The following GMPPA variants were observed in gnomAD, a reference collection of about 807,000 sequenced individuals.
GMPPA encodes mannose-1-phosphate guanylyltransferase regulatory subunit alpha.
Under a neutral mutation model 58.6 loss-of-function variants are expected in GMPPA, and 46 were observed. The observed-to-expected ratio is 0.78, with a 90% CI of 0.62 to 1.00. GMPPA has a LOEUF of 1.00. Ranked by LOEUF, GMPPA falls within the 50% of genes least tolerant of loss-of-function variation. The probability of loss-of-function intolerance (pLI) is 0.00; values close to 1 mark genes in which losing one functional copy is unlikely to be tolerated. For synonymous variants in GMPPA, 211 were observed against 214.9 expected (o/e 0.98, Z 0.16); for missense variants, 468 against 556.4 (o/e 0.84, Z 1.60).
At chr2:219,501,385 T>G (rs1174143427) in intron 3 of GMPPA, 91 bp from the exon 4 acceptor site, 3 of 820,514 alleles carry the variant, frequency 3.7e-6, no homozygotes, top group Non-Finnish European at 6.3e-6. Context: ...AGACTGAAAC[T>G]GGTTTCTGGA....
intron 10 of GMPPA, 35 bp downstream of exon 10, chr2:219,505,796 T>C: frequency 6.5e-7 from 1 of 1,545,286 alleles, no homozygotes; most frequent in Non-Finnish European, 8.8e-7. Context: ...GAGGGAAGGG[T>C]GGTGGTCGGA....
Position 219,501,585 on chromosome 2 carries a change from T to C in GMPPA, c.242+6T>C, listed in dbSNP as rs747253331. The C allele has an allele frequency of 3.9e-6, 6 of 1,555,728 alleles. No individual in the cohort carries two copies. In the African/African-American group the frequency reaches 8.1e-5, roughly 21 times the overall value. On this transcript the variant is annotated splice_donor_region_variant and intron_variant, in intron 4 of 12. Coordinates refer to ENST00000313597, the MANE Select transcript of GMPPA (RefSeq NM_013335.4). Reference sequence around the variant, plus strand: ...GAGTTTAACCTTCCAGTCAGGTGTTTGTGCACACACTCGTATATGGGGGGG... The same window carrying C: ...GAGTTTAACCTTCCAGTCAGGTGTTCGTGCACACACTCGTATATGGGGGGG...
chr2:219,502,338 C>T lies in GMPPA; in HGVS notation c.430-44C>T. The T allele has an allele frequency of 6.4e-7, 1 of 1,568,078 alleles. No individual in the cohort carries two copies. The highest frequency in any genetic ancestry group is 8.8e-7 in the Non-Finnish European group (1 of 1,138,202). Reference sequence around the variant, plus strand: ...AGAAAGAAAAAACAGACGTGGCTGCCCTGGAGCAGGCGGGTCACTGTCTCG... The same window carrying T: ...AGAAAGAAAAAACAGACGTGGCTGCTCTGGAGCAGGCGGGTCACTGTCTCG... On this transcript the variant is annotated intron_variant, in intron 5 of 12. Transcript: ENST00000313597. This position sits in a 1 kb window ranked among gnomAD's most constrained non-coding sequence, Gnocchi z 4.0.
At chr2:219,504,846 C>G in intron 7 of GMPPA, 2 of 1,080,434 alleles carry the variant, frequency 1.9e-6, no homozygotes, top group Non-Finnish European at 2.3e-6. Flanking sequence ...TGTCTCTGCC[C>G]TCACCAGCTG....
intron 7 of GMPPA, 147 bp from the exon 8 acceptor site, chr2:219,505,081 C>T (rs2125639008): frequency 2.1e-6 from 2 of 966,368 alleles, no homozygotes; most frequent in South Asian, 1.7e-5. Flanking sequence ...TGAGCAGCCA[C>T]ATCCCAGAGA....
chr2:219,506,048 C>G lies in GMPPA; in HGVS notation c.969C>G (p.Ile323Met). 1.3e-6 allele frequency: 2 copies of G among 1,591,648 alleles called. No homozygotes were observed. Among genetic ancestry groups the G allele is most frequent in the Non-Finnish European group, 1.7e-6 (2 of 1,165,548 alleles). ...VGEGVRLRES[I>M]VLHGATLQEH... is the part of the protein sequence containing the mutation. ...AGGGTGTGCGGCTCCGGGAGAGCAT[C>G]GTCCTCCATGGAGCCACTTTGCAGG... The change falls in exon 11 of 13, where the codon ATC (isoleucine) becomes ATG (methionine). Residue 323 changes from isoleucine to methionine, a missense_variant. Transcript: ENST00000313597.
At position 219,506,392 on chromosome 2, in the gene GMPPA, G is replaced by C; in HGVS notation, c.1132G>C (p.Gly378Arg). Residue 378 changes from glycine (G) to arginine (R), a missense_variant, in exon 12 of 13, where the codon GGG becomes CGG. Transcript: ENST00000313597. ...RMDSESLFKDGKLLPAITILG... is the reference protein window; with the variant it reads ...RMDSESLFKDRKLLPAITILG... ...GGACAGTGAGAGCCTCTTCAAGGAC[G>C]GGAAGCTGCTGCCTGCTATCACCAT... is the stretch of plus-strand genomic sequence containing the variant. The C allele has an allele frequency of 6.2e-7, 1 of 1,613,262 alleles. No individual in the cohort carries two copies. The highest frequency in any genetic ancestry group is 8.5e-7 in the Non-Finnish European group (1 of 1,179,856).
In GMPPA at chr2:219,505,746, G is replaced by C; in HGVS notation, c.885G>C (p.Val295=). The C allele has an allele frequency of 6.2e-7, 1 of 1,608,698 alleles. No homozygotes were observed. Among genetic ancestry groups the C allele is most frequent in the Non-Finnish European group, 8.5e-7 (1 of 1,178,646 alleles). Residue 295 remains valine, a synonymous_variant, in exon 10 of 13, where the codon GTG becomes GTC. Transcript: ENST00000313597. ...GNVYIHPTAK[V]APSAVLGPNV... ...TGTACATCCACCCGACCGCCAAGGTGGCCCCCTCGGCTGTGGTGAGCACTG... is the reference window on the plus strand; with the variant it reads ...TGTACATCCACCCGACCGCCAAGGTCGCCCCCTCGGCTGTGGTGAGCACTG...
intron 1 of GMPPA, 170 bp downstream of exon 1, chr2:219,499,108 G>C (rs1358979121): frequency 1.3e-5 from 2 of 152,226 alleles, no homozygotes; most frequent in African/African-American, 4.8e-5. Context: ...GTCAGTTGTG[G>C]GGTTCAGAGG....
chr2:219,501,402 G>A, intron 3 of GMPPA, 74 bp from the exon 4 acceptor site: 1 of 967,424 alleles, frequency 1.0e-6, no homozygotes, highest in Non-Finnish European at 1.7e-6. Context: ...TGGACTTTGG[G>A]CCAGCACCAA....
Position 219,501,597 on chromosome 2 carries a change from C to T in GMPPA, c.242+18C>T, listed in dbSNP as rs370424856. ...CCAGTCAGGTGTTTGTGCACACACT[C>T]GTATATGGGGGGGTGGGGATGCCCT... is the stretch of plus-strand genomic sequence containing the variant. On this transcript the variant is annotated intron_variant, in intron 4 of 12. Transcript: ENST00000313597. 2.2e-5 allele frequency: 32 copies of T among 1,461,234 alleles called. No homozygotes were observed. The highest frequency in any genetic ancestry group is 1.7e-4 in the Middle Eastern group (1 of 5,822). The allele number at this position is 1,461,234 out of a possible 1,614,324, so 90.5% of individuals were successfully genotyped here. A position where few individuals can be genotyped will look rare whatever the true frequency, so the allele number is the denominator to read the frequency against.
At chr2:219,501,737 TG>T in intron 4 of GMPPA, 113 bp from the exon 5 acceptor site, 1 of 956,080 alleles carries the variant, frequency 1.0e-6, no homozygotes, top group Non-Finnish European at 1.6e-6. Flanking sequence ...AGAGTTTCTC[TG>T]TGGGCCTTGG....
Position 219,502,553 on chromosome 2 carries a change from C to A in GMPPA, c.489+112C>A. 1.3e-6 allele frequency: 1 copy of A among 770,618 alleles called. No individual in the cohort carries two copies. Among genetic ancestry groups the A allele is most frequent in the Non-Finnish European group, 2.3e-6 (1 of 440,038 alleles). The allele number at this position is 770,618 out of a possible 1,614,324, so 47.7% of individuals were successfully genotyped here. A position where few individuals can be genotyped will look rare whatever the true frequency, so the allele number is the denominator to read the frequency against. On this transcript the variant is annotated intron_variant, in intron 6 of 12. Coordinates refer to ENST00000313597, the MANE Select transcript of GMPPA (RefSeq NM_013335.4). The surrounding 1 kb of genome is among the most constrained non-coding windows in gnomAD (Gnocchi z 4.0). ...TGGGGTGGGCTCTAGTCTTGTCAGA[C>A]AGGTGAGACACTCCCGATTAATCAT...
chr2:219,505,828 G>C, intron 10 of GMPPA, 67 bp downstream of exon 10: 1 of 1,333,668 alleles, frequency 7.5e-7, no homozygotes. Context: ...TGCCCACGCT[G>C]CCTGAGTTCT....
chr2:219,506,070 C>A lies in GMPPA; in HGVS notation c.991C>A (p.Gln331Lys). 1 of 1,576,220 alleles carries A rather than the reference C, an allele frequency of 6.3e-7. No individual in the cohort carries two copies. Among genetic ancestry groups the A allele is most frequent in the Admixed American group, 1.8e-5 (1 of 56,930 alleles). Residue 331 changes from glutamine (Q) to lysine (K), a missense_variant and splice_region_variant, in exon 11 of 13, where the codon CAG (glutamine) becomes AAG (lysine). By Grantham distance (53) the Gln-to-Lys change is moderately conservative. Coordinates refer to ENST00000313597, the MANE Select transcript of GMPPA (RefSeq NM_013335.4). ...CATCGTCCTCCATGGAGCCACTTTGCAGGTAGGTACCAGCATACACAGCAG... is the reference window on the plus strand; with the variant it reads ...CATCGTCCTCCATGGAGCCACTTTGAAGGTAGGTACCAGCATACACAGCAG... Reference protein sequence around the residue: ...ESIVLHGATLQEHTCVLHSIV... With the variant: ...ESIVLHGATLKEHTCVLHSIV...
rs1694441896 is a variant in GMPPA at position 219,502,631 on chromosome 2, T to G, written c.489+190T>G. Among the ~76,000 whole-genome samples the G allele has an allele frequency of 6.7e-6, 1 of 148,784 alleles. No homozygotes were observed. Among genetic ancestry groups the G allele is most frequent in the Non-Finnish European group, 1.5e-5 (1 of 67,170 alleles). On this transcript the variant is annotated intron_variant, in intron 6 of 12. Coordinates refer to ENST00000313597, the MANE Select transcript of GMPPA (RefSeq NM_013335.4). This position sits in a 1 kb window ranked among gnomAD's most constrained non-coding sequence, Gnocchi z 4.0. Reference sequence around the variant, plus strand: ...AGGGGGAGGGGGGGAATGGTTAATTTCCCTGGGGGTGGTGCTGTAATAAAT... The same window carrying G: ...AGGGGGAGGGGGGGAATGGTTAATTGCCCTGGGGGTGGTGCTGTAATAAAT...
Position 219,505,749 on chromosome 2 carries a change from C to T in GMPPA, c.888C>T (p.Ala296=). The T allele has an allele frequency of 6.2e-7, 1 of 1,608,268 alleles. No individual in the cohort carries two copies. Among genetic ancestry groups the T allele is most frequent in the Non-Finnish European group, 8.5e-7 (1 of 1,178,416 alleles). ...ACATCCACCCGACCGCCAAGGTGGCCCCCTCGGCTGTGGTGAGCACTGGTC... is the reference window on the plus strand; with the variant it reads ...ACATCCACCCGACCGCCAAGGTGGCTCCCTCGGCTGTGGTGAGCACTGGTC... ...NVYIHPTAKV[A]PSAVLGPNVS... is the part of the protein sequence containing the mutation. Residue 296 remains alanine (A), a synonymous_variant, in exon 10 of 13, where the codon GCC becomes GCT. Transcript: ENST00000313597.
At chr2:219,501,730 G>C in intron 4 of GMPPA, 121 bp from the exon 5 acceptor site, 1 of 938,682 alleles carries the variant, frequency 1.1e-6, no homozygotes, top group African/African-American at 1.6e-5. Flanking sequence ...AGTATATAGA[G>C]TTTCTCTGTG....
Position 219,499,694 on chromosome 2 carries a change from T to A in GMPPA, c.-20-262T>A, listed in dbSNP as rs1025550158. 5.5e-6 allele frequency: 3 copies of A among 548,812 alleles called. No individual in the cohort carries two copies. In the African/African-American group the frequency reaches 5.7e-5, roughly 10 times the overall value. The allele number at this position is 548,812 out of a possible 1,614,324, so 34.0% of individuals were successfully genotyped here. Reference sequence around the variant, plus strand: ...TGTGAGGTTCTGTCCAGGCAGGGACTATATTGAGCTTTGGGTTTACATCTT... The same window carrying A: ...TGTGAGGTTCTGTCCAGGCAGGGACAATATTGAGCTTTGGGTTTACATCTT... On this transcript the variant is annotated intron_variant, in intron 1 of 12. Transcript: ENST00000313597.
Sources: gnomAD v4.1 joint callset for allele counts (sites outside exome capture counted in the v4.1 genomes callset) on GRCh38, gnomAD v4.1.1 for gene constraint, Gnocchi (gnomAD v3.1) non-coding constraint, MANE v1.5 for transcripts, NCBI Gene and HGNC (gene_info 2026-07-23, HGNC 2026-07-21) for gene names.